Variants in FBXO34 observed in about 807,000 individuals in gnomAD.
The protein encoded by FBXO34 is F-box only protein 34.
FBXO34 carries 12 observed loss-of-function variants against 24.5 expected under a neutral mutation model. That is an observed-to-expected ratio of 0.49 (90% CI 0.31 to 0.79). The LOEUF (loss-of-function observed/expected upper bound fraction) is 0.79, where lower values mean the gene tolerates loss of function less well. FBXO34 is among the 30% of genes least tolerant of loss of function. FBXO34 has a pLI of 0.04. For synonymous variants in FBXO34, 320 were observed against 311.9 expected (o/e 1.03, Z -0.27); for missense variants, 823 against 857.7 (o/e 0.96, Z 0.51).
At chr14:55,380,708 C>A in the FBXO34 span, 5 of 1,521,640 alleles carry the variant, frequency 3.3e-6, no homozygotes, top group Non-Finnish European at 4.5e-6. Context: ...AAGAAAACAA[C>A]CACCATGTAC....
the FBXO34 span, among the ~76,000 whole-genome samples, chr14:55,397,012 T>G: frequency 6.6e-6 from 1 of 152,194 alleles, no homozygotes; most frequent in South Asian, 2.1e-4. Flanking sequence ...AATACTGATA[T>G]GGACAAAAGA....
chr14:55,374,423 T>C (rs989391647), downstream of FBXO34, among the ~76,000 whole-genome samples: 1 of 152,228 alleles, frequency 6.6e-6, no homozygotes, highest in Non-Finnish European at 1.5e-5. Flanking sequence ...ATTTGAAAGA[T>C]TTCAGTTGTC....
chr14:55,392,212 G>C, the FBXO34 span, among the ~76,000 whole-genome samples: 2 of 152,200 alleles, frequency 1.3e-5, no homozygotes, highest in Non-Finnish European at 2.9e-5. Flanking sequence ...GATCTGACAG[G>C]AGGTGGAGCT....
rs1351050999 is a variant in FBXO34 at position 55,323,210 on chromosome 14, A to ATATATAT, written c.-10-27171_-10-27170insTATATAT. Among the ~76,000 whole-genome samples, 143 of 33,008 alleles carry ATATATAT rather than the reference A, an allele frequency of 4.3e-3. 9 individuals are homozygous for ATATATAT. The highest frequency in any genetic ancestry group is 0.031 in the African/African-American group (89 of 2,908). 21.7% of individuals were successfully genotyped at this position (33,008 alleles called of 152,430 possible). A position where few individuals can be genotyped will look rare whatever the true frequency, so the allele number is the denominator to read the frequency against. On this transcript the variant is annotated intron_variant, in intron 1 of 1. Transcript: ENST00000313833. Reference sequence around the variant, plus strand: ...AAAAAAAAAAAAAAAAAAAAAAAAAAAAAAAAAAATATATATTTTTTTTTT... The same window carrying ATATATAT: ...AAAAAAAAAAAAAAAAAAAAAAAAAATATATATAAAAAAAAATATATATTTTTTTTTT...
At chr14:55,399,175 C>T in the FBXO34 span, among the ~76,000 whole-genome samples, 6 of 152,128 alleles carry the variant, frequency 3.9e-5, no homozygotes, top group African/African-American at 1.4e-4. Flanking sequence ...TTAATAGTCA[C>T]TGAAAATGCA....
At chr14:55,340,167 G>A (rs7154889) in intron 1 of FBXO34, among the ~76,000 whole-genome samples, 84,847 of 152,050 alleles carry the variant, frequency 0.56, 26,713 homozygotes, top group African/African-American at 0.87. Flanking sequence ...CTGGGAGTAC[G>A]GGGGTGTGCC....
intron 1 of FBXO34, among the ~76,000 whole-genome samples, chr14:55,334,735 C>T (rs923102329): frequency 6.6e-6 from 1 of 152,174 alleles, no homozygotes; most frequent in African/African-American, 2.4e-5. Context: ...AGCCCTGGAG[C>T]TTTCCCCAAA....
At position 55,351,439 on chromosome 14, in the gene FBXO34, G is replaced by A. The variant is rs1473902644; in HGVS notation, c.1049G>A (p.Cys350Tyr). 1 of 1,614,216 alleles carries A rather than the reference G, an allele frequency of 6.2e-7. No individual in the cohort carries two copies. The highest frequency in any genetic ancestry group is 2.2e-5 in the East Asian group (1 of 44,884). ...CCTGTGGGGTCTGTATCTGTGGATT[G>A]TGGCCCTTCAAGAGCTGATCGTTGT... ...VNPVGSVSVD[C>Y]GPSRADRCSP... is the part of the protein sequence containing the mutation. The change falls in exon 2 of 2, where the codon TGT (cysteine) becomes TAT (tyrosine). Residue 350 changes from cysteine (C) to tyrosine (Y), a missense_variant. This residue lies in a region of FBXO34 where 693 missense variants were observed against 659.1 expected (regional missense o/e 1.05). Coordinates refer to ENST00000313833, the MANE Select transcript of FBXO34 (RefSeq NM_017943.4).
chr14:55,360,575 C>T (rs1461240222), intron 3 of FBXO34, among the ~76,000 whole-genome samples: 1 of 152,044 alleles, frequency 6.6e-6, no homozygotes. Context: ...ACTCATAAAC[C>T]CTGGGATTTT....
intron 1 of FBXO34, among the ~76,000 whole-genome samples, chr14:55,316,586 A>G (rs1882936610): frequency 6.8e-6 from 1 of 147,468 alleles, no homozygotes; most frequent in African/African-American, 2.6e-5. Context: ...AAAAAAGCCT[A>G]GCACAGTGGC....
the FBXO34 span, among the ~76,000 whole-genome samples, chr14:55,423,856 T>G: frequency 6.6e-6 from 1 of 152,216 alleles, no homozygotes; most frequent in African/African-American, 2.4e-5. Flanking sequence ...GTGTGGCCAT[T>G]AAAAGCCTTT....
chr14:55,336,025 T>A (rs1005010695), intron 1 of FBXO34, among the ~76,000 whole-genome samples: 35 of 152,306 alleles, frequency 2.3e-4, no homozygotes, highest in African/African-American at 8.4e-4. Flanking sequence ...ATGCATTTAT[T>A]TAAATGTTTA....
chr14:55,377,749 A>G, the FBXO34 span: 1 of 1,172,376 alleles, frequency 8.5e-7, no homozygotes, highest in Non-Finnish European at 1.2e-6. Context: ...CGACTCTACT[A>G]TGCCAACATA....
At chr14:55,349,797 G>C (rs891811710) in intron 1 of FBXO34, among the ~76,000 whole-genome samples, 3 of 151,848 alleles carry the variant, frequency 2.0e-5, no homozygotes, top group Admixed American at 2.0e-4. Flanking sequence ...AGTAAAGACA[G>C]GGTTTTCCCA....
At chr14:55,346,072 G>C (rs1184556716) in intron 1 of FBXO34, among the ~76,000 whole-genome samples, 3 of 152,186 alleles carry the variant, frequency 2.0e-5, no homozygotes, top group Non-Finnish European at 4.4e-5. Flanking sequence ...TTGGAGGTTA[G>C]TATAAAAAAT....
intron 1 of FBXO34, among the ~76,000 whole-genome samples, chr14:55,300,450 C>T (rs574105354): frequency 6.6e-5 from 10 of 152,272 alleles, no homozygotes; most frequent in African/African-American, 1.9e-4. Flanking sequence ...CAAAAATTAG[C>T]CAGACCTGGT....
chr14:55,431,764 C>T, the FBXO34 span, among the ~76,000 whole-genome samples: 2 of 152,204 alleles, frequency 1.3e-5, no homozygotes, highest in African/African-American at 4.8e-5. Context: ...AATTATCTTA[C>T]ATTGAAACAA....
chr14:55,363,948 T>A (rs987616320), downstream of FBXO34, among the ~76,000 whole-genome samples: 93 of 129,600 alleles, frequency 7.2e-4, no homozygotes, highest in Non-Finnish European at 1.4e-3. Flanking sequence ...CTGCCAATTT[T>A]CTTTTTTTTT....
chr14:55,428,682 C>T, the FBXO34 span: 1 of 1,044,906 alleles, frequency 9.6e-7, no homozygotes, highest in South Asian at 1.7e-5. Flanking sequence ...AATCTTTTCA[C>T]TATTGTGTCC....
Sources: allele counts gnomAD v4.1 joint callset (sites outside exome capture counted in the v4.1 genomes callset), GRCh38; gene constraint gnomAD v4.1.1; regional missense constraint gnomAD v4.1.1; transcripts MANE v1.5; gene names NCBI Gene and HGNC (gene_info 2026-07-23, HGNC 2026-07-21).